ZSCAN21: variants seen among roughly 807,000 people sequenced by gnomAD.
ZSCAN21 encodes zinc finger and SCAN domain-containing protein 21.
ZSCAN21 carries 26 observed loss-of-function variants against 35.6 expected under a neutral mutation model. That is an observed-to-expected ratio of 0.73 (90% CI 0.54 to 1.01). ZSCAN21 has a LOEUF of 1.01. Among genes scored for constraint, ZSCAN21 ranks in the 50% least tolerant of loss-of-function variants. ZSCAN21 has a pLI of 0.00. For missense variants in ZSCAN21, 593 were observed against 587.1 expected, an observed-to-expected ratio of 1.01 and a Z score of -0.10; for synonymous variants, 219 against 219.3, an observed-to-expected ratio of 1.00 and a Z score of 0.01.
chr7:100,057,535 A>T, intron 2 of ZSCAN21, 130 bp downstream of exon 2: 1 of 1,385,646 alleles, frequency 7.2e-7, no homozygotes. Flanking sequence ...GTTTCCTCCT[A>T]TTTTTCTCTA....
At chr7:100,054,856 A>AG (rs1321484812) in intron 1 of ZSCAN21, among the ~76,000 whole-genome samples, 1 of 151,464 alleles carries the variant, frequency 6.6e-6, no homozygotes, top group East Asian at 1.9e-4. Context: ...AAAAAAAAAA[A>AG]AAAGACTAAT....
rs915212380 is a variant in ZSCAN21, at chr7:100,049,846, G to A, written c.-97+5G>A. 5.9e-5 allele frequency: 9 copies of A among 152,404 alleles called. No individual in the cohort carries two copies. Among genetic ancestry groups the A allele is most frequent in the Non-Finnish European group, 1.3e-4 (9 of 68,154 alleles). The allele number at this position is 152,404 out of a possible 1,614,324, so 9.4% of individuals were successfully genotyped here. On this transcript the variant is annotated splice_donor_5th_base_variant and intron_variant, in intron 1 of 3. Transcript: ENST00000292450. ...CCGGAGCGGCTCTGATTCATGGTGA[G>A]CCTGCTGGTCGCGGGTTAGCGAGGC...
intron 1 of ZSCAN21, among the ~76,000 whole-genome samples, chr7:100,056,308 G>A (rs977615828): frequency 1.3e-5 from 2 of 152,160 alleles, no homozygotes; most frequent in Non-Finnish European, 2.9e-5. Flanking sequence ...CTAGCCAGTA[G>A]ATAGCTTGAT....
chr7:100,064,835 G>T lies in ZSCAN21; in HGVS notation c.*218G>T. 6.2e-7 allele frequency: 1 copy of T among 1,614,190 alleles called. No homozygotes were observed. Among genetic ancestry groups the T allele is most frequent in the Non-Finnish European group, 8.5e-7 (1 of 1,180,046 alleles). On this transcript the variant is annotated 3_prime_UTR_variant, in exon 4 of 4. Coordinates refer to ENST00000292450, the MANE Select transcript of ZSCAN21 (RefSeq NM_145914.3). ...ACACTCGCCAGTTCACTGGAGCAGA[G>T]TCCCTTCGCCACACTTAGGGTCCCA...
Position 100,056,973 on chromosome 7 carries a change from T to A in ZSCAN21, c.-34T>A. The A allele has an allele frequency of 6.5e-7, 1 of 1,538,550 alleles. No homozygotes were observed. Among genetic ancestry groups the A allele is most frequent in the Non-Finnish European group, 8.8e-7 (1 of 1,142,594 alleles). ...GAACGAATATTCCTGCCCCACAGAGTCCCATCTTTGGTGAGGCTGTTTCTG... is the reference window on the plus strand; with the variant it reads ...GAACGAATATTCCTGCCCCACAGAGACCCATCTTTGGTGAGGCTGTTTCTG... On this transcript the variant is annotated 5_prime_UTR_variant, in exon 2 of 4. Coordinates refer to ENST00000292450, the MANE Select transcript of ZSCAN21 (RefSeq NM_145914.3).
intron 3 of ZSCAN21, among the ~76,000 whole-genome samples, chr7:100,060,698 C>G (rs1196159598): frequency 6.6e-6 from 1 of 150,526 alleles, no homozygotes; most frequent in Non-Finnish European, 1.5e-5. Flanking sequence ...GAAACTCCAT[C>G]TCAACCGGGC....
chr7:100,063,472 C>T (rs1301119119), intron 3 of ZSCAN21, among the ~76,000 whole-genome samples: 2 of 151,988 alleles, frequency 1.3e-5, no homozygotes, highest in South Asian at 2.1e-4. Context: ...TGTGGTGGCA[C>T]GTGCCTGTAA....
chr7:100,057,938 G>T, intron 3 of ZSCAN21, 48 bp downstream of exon 3: 2 of 1,413,618 alleles, frequency 1.4e-6, no homozygotes, highest in Non-Finnish European at 9.4e-7. Context: ...GGCCCCTGTG[G>T]TTGGAGAAGC....
rs768444617 is a variant in ZSCAN21, at chr7:100,057,067, G to A, written c.61G>A (p.Val21Met). Residue 21 changes from valine (V) to methionine (M), a missense_variant, in exon 2 of 4, where the codon GTG becomes ATG. Val to Met is a conservative substitution (Grantham distance 21). Transcript: ENST00000292450. Reference protein sequence around the residue: ...VLGPRPPQEQVGPLMVKVEEK... With the variant: ...VLGPRPPQEQMGPLMVKVEEK... ...GGGCCCTAGGCCTCCACAGGAGCAG[G>A]TGGGGCCTCTGATGGTAAAAGTCGA... is the stretch of plus-strand genomic sequence containing the variant. 6.2e-7 allele frequency: 1 copy of A among 1,614,152 alleles called. No homozygotes were observed. Among genetic ancestry groups the A allele is most frequent in the Non-Finnish European group, 8.5e-7 (1 of 1,180,028 alleles).
chr7:100,064,172 C>T lies in ZSCAN21; in HGVS notation c.977C>T (p.Thr326Ile), dbSNP rs1386316270. 1 of 1,614,030 alleles carries T rather than the reference C, an allele frequency of 6.2e-7. No individual in the cohort carries two copies. The highest frequency in any genetic ancestry group is 8.5e-7 in the Non-Finnish European group (1 of 1,180,002). The change falls in exon 4 of 4, where the codon ACA (threonine) becomes ATA (isoleucine). Residue 326 changes from threonine to isoleucine, a missense_variant. Coordinates refer to ENST00000292450, the MANE Select transcript of ZSCAN21 (RefSeq NM_145914.3). ...HSSNLTLHYR[T>I]HLVDRPYDCK... ...TCAAACCTCACCCTCCACTACAGAA[C>T]ACACTTGGTGGACCGGCCCTATGAC...
rs762709936 is a variant in ZSCAN21, at chr7:100,064,398, G to A, written c.1203G>A (p.Ala401=). The change falls in exon 4 of 4, where the codon GCG becomes GCA. Residue 401 remains alanine (A), a synonymous_variant. Transcript: ENST00000292450. ...NECGKSFSQH[A]GLSSHQRLHT... ...GTGGGAAGAGCTTCAGTCAGCATGC[G>A]GGCCTCAGCTCCCACCAGAGACTCC... 25 of 1,609,742 alleles carry A rather than the reference G, an allele frequency of 1.6e-5. No homozygotes were observed. Among genetic ancestry groups the A allele is most frequent in the South Asian group, 1.4e-4 (13 of 90,842 alleles).
At chr7:100,058,493 T>C (rs891721686) in intron 3 of ZSCAN21, among the ~76,000 whole-genome samples, 1 of 152,170 alleles carries the variant, frequency 6.6e-6, no homozygotes, top group African/African-American at 2.4e-5. Flanking sequence ...GTGCAGCCCT[T>C]AGGGTCAGCT....
chr7:100,058,644 C>T (rs1049490338), intron 3 of ZSCAN21, among the ~76,000 whole-genome samples: 3 of 152,240 alleles, frequency 2.0e-5, no homozygotes, highest in Non-Finnish European at 4.4e-5. Context: ...CTCCTGAGCT[C>T]AAATCTCCAT....
At chr7:100,060,858 C>CAAA (rs372983638) in intron 3 of ZSCAN21, among the ~76,000 whole-genome samples, 1,421 of 74,364 alleles carry the variant, frequency 0.019, 23 homozygotes, top group Middle Eastern at 0.07. Context: ...AGGACTCCGT[C>CAAA]AAAAAAAAAA....
chr7:100,060,871 A>C (rs894513366), intron 3 of ZSCAN21, among the ~76,000 whole-genome samples: 2 of 151,856 alleles, frequency 1.3e-5, no homozygotes, highest in East Asian at 1.9e-4. Context: ...AAAAAAAAAA[A>C]AAAAAAACAT....
chr7:100,061,634 T>C (rs902287076), intron 3 of ZSCAN21, among the ~76,000 whole-genome samples: 2 of 152,046 alleles, frequency 1.3e-5, no homozygotes, highest in African/African-American at 4.8e-5. Flanking sequence ...TTATGGAGAG[T>C]GTGAAGGACT....
chr7:100,054,488 G>T (rs1484829038), intron 1 of ZSCAN21, among the ~76,000 whole-genome samples: 1 of 151,968 alleles, frequency 6.6e-6, no homozygotes, highest in Non-Finnish European at 1.5e-5. Flanking sequence ...GACCTCAGGT[G>T]ATCCACCTGC....
intron 1 of ZSCAN21, 43 bp from the exon 2 acceptor site, chr7:100,056,868 C>T (rs1792091428): frequency 2.2e-6 from 2 of 928,698 alleles, no homozygotes; most frequent in East Asian, 2.5e-5. Context: ...GACCCAAAAA[C>T]ACTTTTCAGT....
rs1792514766 is a variant in ZSCAN21, at chr7:100,064,288, T to G, written c.1093T>G (p.Cys365Gly). ...AGAGGCGCCATATCAGTGCAAAGATTGTGGCAAGGCTTTCAGCGGGAAAGG... is the reference window on the plus strand; with the variant it reads ...AGAGGCGCCATATCAGTGCAAAGATGGTGGCAAGGCTTTCAGCGGGAAAGG... The part of the protein sequence containing the change: ...TEEAPYQCKD[C>G]GKAFSGKGSL... Residue 365 changes from cysteine (C) to glycine (G), a missense_variant, in exon 4 of 4, where the codon TGT (cysteine) becomes GGT (glycine). Coordinates refer to ENST00000292450, the MANE Select transcript of ZSCAN21 (RefSeq NM_145914.3). 1 of 1,614,136 alleles carries G rather than the reference T, an allele frequency of 6.2e-7. No homozygotes were observed. Among genetic ancestry groups the G allele is most frequent in the African/African-American group, 1.3e-5 (1 of 75,024 alleles).
Sources: allele counts gnomAD v4.1 joint callset (sites outside exome capture counted in the v4.1 genomes callset), GRCh38; gene constraint gnomAD v4.1.1; transcripts MANE v1.5; gene names NCBI Gene and HGNC (gene_info 2026-07-23, HGNC 2026-07-21).